The following GABRG1 variants were observed in gnomAD, a reference collection of about 807,000 sequenced individuals.
The protein encoded by GABRG1 is gamma-aminobutyric acid receptor subunit gamma-1.
A neutral mutation model predicts 49.8 loss-of-function variants in GABRG1; 49 were observed. The ratio of observed to expected loss-of-function variants is 0.98; its 90% confidence interval spans 0.78 to 1.25. The LOEUF is 1.25. Among genes scored for constraint, GABRG1 ranks in the 50% most tolerant of loss-of-function variants. The probability of loss-of-function intolerance (pLI) is 0.00; values close to 1 mark genes in which losing one functional copy is unlikely to be tolerated. For missense variants in GABRG1, 552 were observed against 552.3 expected (o/e 1.00, Z 0.01); for synonymous variants, 232 against 185.1 (o/e 1.25, Z -2.06).
chr4:46,122,306 A>T (rs1480043538), intron 1 of GABRG1, among the ~76,000 whole-genome samples: 1 of 152,168 alleles, frequency 6.6e-6, no homozygotes, highest in Non-Finnish European at 1.5e-5. Flanking sequence ...TTTGTTTGAA[A>T]GGAAAACTCG....
Position 46,040,805 on chromosome 4 carries a change from C to T in GABRG1, c.*183G>A. On this transcript the variant is annotated 3_prime_UTR_variant, in exon 9 of 9. Coordinates refer to ENST00000295452, the MANE Select transcript of GABRG1 (RefSeq NM_173536.4). ...TGGATTTTGCAACTAATCAGTTTCA[C>T]GTAAATTAGCCTGAAAGCTGCTACT... The T allele has an allele frequency of 3.8e-6, 2 of 525,076 alleles. No homozygotes were observed. The highest frequency in any genetic ancestry group is 3.2e-5 in the East Asian group (1 of 31,398). 32.5% of individuals were successfully genotyped at this position (525,076 alleles called of 1,614,324 possible).
At chr4:46,086,332 A>G (rs941709347) in intron 2 of GABRG1, among the ~76,000 whole-genome samples, 1 of 151,674 alleles carries the variant, frequency 6.6e-6, no homozygotes, top group Non-Finnish European at 1.5e-5. Context: ...AGCAAAGGCA[A>G]TAGTTAGGAC....
intron 1 of GABRG1, among the ~76,000 whole-genome samples, chr4:46,103,479 T>C (rs1720446406): frequency 6.6e-6 from 1 of 151,542 alleles, no homozygotes; most frequent in South Asian, 2.1e-4. Flanking sequence ...TTAAAATAAA[T>C]ATAAAATTTG....
At chr4:46,115,655 C>A (rs549402144) in intron 1 of GABRG1, among the ~76,000 whole-genome samples, 1 of 150,740 alleles carries the variant, frequency 6.6e-6, no homozygotes, top group East Asian at 2.0e-4. Flanking sequence ...TAAAATGTGG[C>A]TTCATTTATA....
chr4:46,093,464 G>A (rs1031294205), intron 2 of GABRG1, among the ~76,000 whole-genome samples: 1 of 151,994 alleles, frequency 6.6e-6, no homozygotes, highest in African/African-American at 2.4e-5. Context: ...GTGAGGTAGG[G>A]GAGTGGGGAT....
chr4:46,037,602 A>G lies in GABRG1; in HGVS notation c.*3386T>C, dbSNP rs544066499. The G allele has an allele frequency of 2.6e-5, 4 of 151,922 alleles. No individual in the cohort carries two copies. Among genetic ancestry groups the G allele is most frequent in the Non-Finnish European group, 5.9e-5 (4 of 67,840 alleles). 9.4% of individuals were successfully genotyped at this position (151,922 alleles called of 1,614,324 possible). On this transcript the variant is annotated 3_prime_UTR_variant, in exon 9 of 9. Transcript: ENST00000295452. ...CAATGCCAGTTCTAAAACCAATGAA[A>G]TAATTTCAAATGTAGTATTTTTTTA...
chr4:46,042,578 T>A (rs1179830898), intron 8 of GABRG1, among the ~76,000 whole-genome samples: 1 of 151,994 alleles, frequency 6.6e-6, no homozygotes, highest in Non-Finnish European at 1.5e-5. Context: ...TCATGCTAAA[T>A]TTTGAAATAG....
intron 1 of GABRG1, 117 bp downstream of exon 1, chr4:46,123,693 A>G (rs1721165898): frequency 5.9e-6 from 4 of 678,828 alleles, no homozygotes; most frequent in Non-Finnish European, 7.7e-6. Flanking sequence ...TAAATACCAC[A>G]TATGTGTTAG....
chr4:46,042,455 C>T (rs962894933), intron 8 of GABRG1, among the ~76,000 whole-genome samples: 3 of 151,906 alleles, frequency 2.0e-5, no homozygotes, highest in Non-Finnish European at 2.9e-5. Flanking sequence ...AATCTTACAA[C>T]TTATTGTATT....
At chr4:46,075,411 G>T (rs1267618001) in intron 3 of GABRG1, among the ~76,000 whole-genome samples, 1 of 151,912 alleles carries the variant, frequency 6.6e-6, no homozygotes, top group Non-Finnish European at 1.5e-5. Context: ...GCCCGAGCTG[G>T]TTTTGAACTC....
At position 46,040,847 on chromosome 4, in the gene GABRG1, G is replaced by T; in HGVS notation, c.*141C>A. On this transcript the variant is annotated 3_prime_UTR_variant, in exon 9 of 9. Coordinates refer to ENST00000295452, the MANE Select transcript of GABRG1 (RefSeq NM_173536.4). ...GCTGCTACTTTATTTACTTCTGAAGGCCTTAAAATAGTTACAATACTATTC... is the reference window on the plus strand; with the variant it reads ...GCTGCTACTTTATTTACTTCTGAAGTCCTTAAAATAGTTACAATACTATTC... 1 of 818,556 alleles carries T rather than the reference G, an allele frequency of 1.2e-6. No homozygotes were observed. 50.7% of individuals were successfully genotyped at this position (818,556 alleles called of 1,614,324 possible).
rs1380078325 is a variant in GABRG1 at position 46,035,770 on chromosome 4, T to G, written c.*5218A>C. The G allele has an allele frequency of 6.6e-6, 1 of 151,998 alleles. No homozygotes were observed. The highest frequency in any genetic ancestry group is 1.5e-5 in the Non-Finnish European group (1 of 67,912). The allele number at this position is 151,998 out of a possible 1,614,324, so 9.4% of individuals were successfully genotyped here. ...TGAAAACTATCAAGAAAGACACAAT[T>G]TAAGAGAATGTGACTCTTTATTTAT... is the stretch of plus-strand genomic sequence containing the variant. On this transcript the variant is annotated 3_prime_UTR_variant, in exon 9 of 9. Transcript: ENST00000295452.
chr4:46,041,980 G>A (rs1298814334), intron 8 of GABRG1, among the ~76,000 whole-genome samples: 2 of 151,924 alleles, frequency 1.3e-5, no homozygotes, highest in African/African-American at 4.8e-5. Context: ...TTTGTAACAT[G>A]TTAAATTAAG....
At chr4:46,106,733 T>C (rs1201896382) in intron 1 of GABRG1, among the ~76,000 whole-genome samples, 3 of 151,248 alleles carry the variant, frequency 2.0e-5, no homozygotes, top group Non-Finnish European at 3.0e-5. Flanking sequence ...TTAGAAACAG[T>C]TCATTTTCAG....
At chr4:46,118,033 T>G (rs1043667002) in intron 1 of GABRG1, among the ~76,000 whole-genome samples, 2 of 133,730 alleles carry the variant, frequency 1.5e-5, no homozygotes, top group South Asian at 2.2e-4. Context: ...TATATACATA[T>G]ATACATATGT....
Position 46,122,032 on chromosome 4 carries a change from A to G in GABRG1, c.104+1778T>C, listed in dbSNP as rs532168120. Among the ~76,000 whole-genome samples, 537 of 152,216 alleles carry G rather than the reference A, an allele frequency of 3.5e-3. 1 individual carries two copies. The highest frequency in any genetic ancestry group is 6.5e-3 in the Non-Finnish European group (440 of 67,988). ...TTGAATGTGAAACTCTTAAGAAATC[A>G]TATGTGGTCTAGTATCCTTCATTTC... On this transcript the variant is annotated intron_variant, in intron 1 of 8. Coordinates refer to ENST00000295452, the MANE Select transcript of GABRG1 (RefSeq NM_173536.4).
At chr4:46,062,489 C>T (rs1163851837) in intron 5 of GABRG1, among the ~76,000 whole-genome samples, 4 of 152,160 alleles carry the variant, frequency 2.6e-5, no homozygotes, top group Non-Finnish European at 5.9e-5. Context: ...TACTGTCCCA[C>T]CAACAGTTTA....
intron 2 of GABRG1, among the ~76,000 whole-genome samples, chr4:46,086,425 T>A (rs1719755738): frequency 6.6e-6 from 1 of 151,608 alleles, no homozygotes. Flanking sequence ...TCTTTATAAT[T>A]GATTTTAACC....
intron 2 of GABRG1, among the ~76,000 whole-genome samples, chr4:46,088,245 C>T (rs1365139391): frequency 6.6e-6 from 1 of 152,032 alleles, no homozygotes; most frequent in African/African-American, 2.4e-5. Flanking sequence ...AGTGCTTGAA[C>T]TTCATAAAAC....
Sources: gnomAD v4.1 joint callset for allele counts (sites outside exome capture counted in the v4.1 genomes callset) on GRCh38, gnomAD v4.1.1 for gene constraint, MANE v1.5 for transcripts, NCBI Gene and HGNC (gene_info 2026-07-23, HGNC 2026-07-21) for gene names.